The following CSTL1 variants were observed in gnomAD, a reference collection of about 807,000 sequenced individuals.
The protein encoded by CSTL1 is cystatin-like 1.
In CSTL1, 14 loss-of-function variants were observed where a neutral mutation model predicts 14.4. The observed-to-expected ratio is 0.97, with a 90% CI of 0.64 to 1.52. The LOEUF is 1.52. Among genes scored for constraint, CSTL1 ranks in the 40% most tolerant of loss-of-function variants. CSTL1 has a pLI of 0.00. For missense variants in CSTL1, 170 were observed against 168.7 expected (o/e 1.01, Z -0.04); for synonymous variants, 72 against 67.5 (o/e 1.07, Z -0.33).
At chr20:23,444,932 G>A, downstream of CSTL1, 1 of 1,223,976 alleles carries the variant, frequency 8.2e-7, no homozygotes. Context: ...AAAGGATCAT[G>A]TCTCCCTCAT....
At chr20:23,454,430 T>G in the CSTL1 span, among the ~76,000 whole-genome samples, 2 of 151,302 alleles carry the variant, frequency 1.3e-5, no homozygotes, top group East Asian at 2.0e-4. Context: ...ATACCCACAC[T>G]CACGCTAAAA....
At chr20:23,446,221 T>C (rs879770415), downstream of CSTL1, among the ~76,000 whole-genome samples, 2 of 151,786 alleles carry the variant, frequency 1.3e-5, no homozygotes, top group Non-Finnish European at 2.9e-5. Flanking sequence ...TCAAACTCCA[T>C]CCAAGGCCAG....
At chr20:23,441,054 C>T (rs1319455450) in intron 2 of CSTL1, among the ~76,000 whole-genome samples, 1 of 152,198 alleles carries the variant, frequency 6.6e-6, no homozygotes, top group Non-Finnish European at 1.5e-5. Context: ...ATACCACGCC[C>T]GGCCAGCTCT....
At chr20:23,457,981 C>T in the CSTL1 span, among the ~76,000 whole-genome samples, 1 of 152,138 alleles carries the variant, frequency 6.6e-6, no homozygotes, top group African/African-American at 2.4e-5. Flanking sequence ...CCCACAAGTC[C>T]TCCAGTCATG....
chr20:23,451,957 C>T, the CSTL1 span: 2 of 1,495,920 alleles, frequency 1.3e-6, no homozygotes, highest in Non-Finnish European at 9.3e-7. Context: ...ACAGCTTGTC[C>T]CCTTCTCCCC....
At chr20:23,455,188 G>C in the CSTL1 span, among the ~76,000 whole-genome samples, 1 of 152,098 alleles carries the variant, frequency 6.6e-6, no homozygotes, top group African/African-American at 2.4e-5. Context: ...GCCCTATATT[G>C]CCATCCCAAC....
downstream of CSTL1, among the ~76,000 whole-genome samples, chr20:23,449,396 ATGTG>A (rs201689303): frequency 2.0e-5 from 3 of 151,726 alleles, no homozygotes; most frequent in South Asian, 4.2e-4. Flanking sequence ...TGCCGTGTGT[ATGTG>A]TGTGTGTGTA....
the CSTL1 span, chr20:23,450,357 G>A: frequency 2.2e-3 from 1,250 of 557,766 alleles, 20 homozygotes; most frequent in African/African-American, 0.021. Context: ...ACTATGAGCT[G>A]AAGAATTTGG....
intron 2 of CSTL1, among the ~76,000 whole-genome samples, chr20:23,441,705 AT>A (rs953270578): frequency 4.6e-5 from 7 of 151,524 alleles, no homozygotes; most frequent in African/African-American, 1.5e-4. Context: ...GCAACCATAC[AT>A]TTTTTTTTCC....
Position 23,440,420 on chromosome 20 carries a change from C to T in CSTL1, c.153C>T (p.Ser51=). Residue 51 remains serine (S), a synonymous_variant, in exon 2 of 4, where the codon TCC becomes TCT. Transcript: ENST00000347397. The part of the protein sequence containing the change: ...MNSTLNFFIQ[S]YNNASNDTYL... The stretch of plus-strand genomic sequence containing the variant: ...CAACACTCAACTTCTTCATTCAATC[C>T]TACAACAATGCCAGCAACGACACCT... 1 of 1,614,136 alleles carries T rather than the reference C, an allele frequency of 6.2e-7. No homozygotes were observed. Among genetic ancestry groups the T allele is most frequent in the Non-Finnish European group, 8.5e-7 (1 of 1,180,008 alleles).
At chr20:23,453,201 A>G in the CSTL1 span, among the ~76,000 whole-genome samples, 1 of 146,798 alleles carries the variant, frequency 6.8e-6, no homozygotes, top group Non-Finnish European at 1.5e-5. Context: ...TGGCGCATTC[A>G]TAGGTGAGCA....
Position 23,440,212 on chromosome 20 carries a change from G to A in CSTL1, c.-56G>A. 9 of 1,572,450 alleles carry A rather than the reference G, an allele frequency of 5.7e-6. No homozygotes were observed. The highest frequency in any genetic ancestry group is 7.9e-6 in the Non-Finnish European group (9 of 1,144,768). On this transcript the variant is annotated 5_prime_UTR_variant, in exon 2 of 4. Coordinates refer to ENST00000347397, the MANE Select transcript of CSTL1 (RefSeq NM_138283.1). The stretch of plus-strand genomic sequence containing the variant: ...TGGGAGAATGAGTGAACTGCAGCCT[G>A]GCACCACCACACCCTGGAAGGTGCA...
chr20:23,454,153 AACACACATACTAC>A, the CSTL1 span, among the ~76,000 whole-genome samples: 1 of 151,760 alleles, frequency 6.6e-6, no homozygotes, highest in Non-Finnish European at 1.5e-5. Flanking sequence ...CTCACACTGA[AACACACATACTAC>A]ACACACATCT....
the CSTL1 span, chr20:23,452,505 G>T: frequency 2.3e-6 from 2 of 870,598 alleles, no homozygotes; most frequent in Non-Finnish European, 2.0e-6. Flanking sequence ...TTTCCCTTGA[G>T]TGGGACTATT....
At chr20:23,454,988 T>C in the CSTL1 span, among the ~76,000 whole-genome samples, 1 of 152,198 alleles carries the variant, frequency 6.6e-6, no homozygotes, top group Non-Finnish European at 1.5e-5. Flanking sequence ...ACTCTGTAAA[T>C]TGCTGACTCA....
chr20:23,448,159 C>CA (rs1211213746), downstream of CSTL1, among the ~76,000 whole-genome samples: 1 of 152,196 alleles, frequency 6.6e-6, no homozygotes, highest in Non-Finnish European at 1.5e-5. Flanking sequence ...ACACTCTACC[C>CA]AATGTGTATT....
chr20:23,447,604 C>T (rs926704690), downstream of CSTL1, among the ~76,000 whole-genome samples: 15 of 151,972 alleles, frequency 9.9e-5, no homozygotes, highest in Admixed American at 9.2e-4. Context: ...ATTACAGGTG[C>T]CTGCCACCAT....
At chr20:23,440,730 C>T (rs1986809633) in intron 2 of CSTL1, 3 of 581,320 alleles carry the variant, frequency 5.2e-6, no homozygotes, top group South Asian at 5.0e-5. Flanking sequence ...CACTTAGAGG[C>T]AAAAGTGTTC....
At position 23,444,107 on chromosome 20, in the gene CSTL1, G is replaced by C; in HGVS notation, c.330+63G>C. Reference sequence around the variant, plus strand: ...TGAATATTTTAAAAAGCAACAGCTAGAAGTTGGCAGTTTTGCCACTTGTGT... The same window carrying C: ...TGAATATTTTAAAAAGCAACAGCTACAAGTTGGCAGTTTTGCCACTTGTGT... On this transcript the variant is annotated intron_variant, in intron 3 of 3. Transcript: ENST00000347397. 5 of 1,480,862 alleles carry C rather than the reference G, an allele frequency of 3.4e-6. No homozygotes were observed. In the South Asian group the frequency reaches 5.8e-5, roughly 17 times the overall value. The allele number at this position is 1,480,862 out of a possible 1,614,324, so 91.7% of individuals were successfully genotyped here.
Sources: gnomAD v4.1 joint callset for allele counts (sites outside exome capture counted in the v4.1 genomes callset) on GRCh38, gnomAD v4.1.1 for gene constraint, MANE v1.5 for transcripts, NCBI Gene and HGNC (gene_info 2026-07-23, HGNC 2026-07-21) for gene names.